Variants in MORC4 observed in about 807,000 individuals in gnomAD.
MORC4 encodes MORC family CW-type zinc finger protein 4.
A neutral mutation model predicts 65.5 loss-of-function variants in MORC4; 22 were observed. The observed-to-expected ratio is 0.34, with a 90% confidence interval of 0.24 to 0.48. MORC4 has a LOEUF of 0.48. Among genes scored for constraint, MORC4 ranks in the 20% least tolerant of loss-of-function variants. The probability of loss-of-function intolerance (pLI) is 0.99; values close to 1 mark genes in which losing one functional copy is unlikely to be tolerated. For synonymous variants in MORC4, 267 were observed against 255.8 expected (o/e 1.04, Z -0.42); for missense variants, 624 against 703.0 (o/e 0.89, Z 1.27).
intron 2 of MORC4, among the ~76,000 whole-genome samples, chrX:106,993,790 T>C (rs762549045): frequency 2.7e-5 from 3 of 112,501 alleles, no homozygotes; most frequent in Non-Finnish European, 3.8e-5. Flanking sequence ...AGATGATGCA[T>C]ATTACACACA....
chrX:106,959,568 C>G (rs1934187480), intron 10 of MORC4, among the ~76,000 whole-genome samples: 1 of 111,502 alleles, frequency 9.0e-6, no homozygotes, highest in Non-Finnish European at 1.9e-5. Flanking sequence ...GACAGGGTCT[C>G]ACTCTGTCTC....
chrX:106,965,375 A>G (rs1371435480), intron 9 of MORC4, among the ~76,000 whole-genome samples: 2 of 112,339 alleles, frequency 1.8e-5, no homozygotes, highest in Middle Eastern at 4.6e-3. Flanking sequence ...ATGTTTCACT[A>G]TAAAAAAAAT....
At chrX:106,960,221 T>C (rs1029282165) in intron 10 of MORC4, among the ~76,000 whole-genome samples, 4 of 111,688 alleles carry the variant, frequency 3.6e-5, no homozygotes, top group Non-Finnish European at 5.6e-5. Flanking sequence ...CATAGGAGAG[T>C]CTCTTGCAGA....
chrX:106,943,686 T>TA (rs1233822348), intron 14 of MORC4, among the ~76,000 whole-genome samples: 1 of 112,686 alleles, frequency 8.9e-6, no homozygotes, highest in Non-Finnish European at 1.9e-5. Flanking sequence ...CACATTTTTT[T>TA]ATATTGCAGC....
intron 3 of MORC4, among the ~76,000 whole-genome samples, chrX:106,991,485 A>G (rs1934982107): frequency 8.9e-6 from 1 of 112,533 alleles, no homozygotes; most frequent in Admixed American, 9.4e-5. Context: ...CTTCTACCTT[A>G]TAACTCTAAC....
intron 7 of MORC4, among the ~76,000 whole-genome samples, chrX:106,978,423 A>G (rs913803880): frequency 9.0e-6 from 1 of 111,384 alleles, no homozygotes; most frequent in African/African-American, 3.2e-5. Context: ...AGGGAGGCCC[A>G]CAAACGTTAA....
rs140476701 is a variant in MORC4, at chrX:106,997,241, G to A, written c.175+2436C>T. 5.7e-3 allele frequency among the ~76,000 whole-genome samples: 641 copies of A among 111,642 alleles called. 5 individuals are homozygous for A. Among genetic ancestry groups the A allele is most frequent in the African/African-American group, 0.02 (599 of 30,684 alleles). ...TCCTTTACCCTATGCATCCCTAGAC[G>A]TTCTCATATCCTATTTACTCTATTT... On this transcript the variant is annotated intron_variant, in intron 2 of 16. Transcript: ENST00000355610.
intron 5 of MORC4, among the ~76,000 whole-genome samples, chrX:106,984,355 T>C (rs1934816295): frequency 9.0e-6 from 1 of 110,580 alleles, no homozygotes; most frequent in Non-Finnish European, 1.9e-5. Flanking sequence ...TATGCTAAAC[T>C]GTCTTAATTA....
At chrX:106,976,738 C>T in intron 8 of MORC4, 54 bp from the exon 9 acceptor site, 1 of 898,912 alleles carries the variant, frequency 1.1e-6, no homozygotes, top group South Asian at 2.1e-5. Flanking sequence ...TGCCTGGAGG[C>T]ATTTCCTTTT....
intron 9 of MORC4, among the ~76,000 whole-genome samples, chrX:106,966,674 G>A (rs1934379836): frequency 8.8e-6 from 1 of 113,194 alleles, no homozygotes; most frequent in South Asian, 3.6e-4. Context: ...ACAGAGCCTT[G>A]CTCACTGCTA....
At position 106,999,736 on chromosome X, in the gene MORC4, T is replaced by C; in HGVS notation, c.116A>G (p.Tyr39Cys). 9.0e-7 allele frequency: 1 copy of C among 1,113,202 alleles called. No homozygotes were observed. The highest frequency in any genetic ancestry group is 1.2e-6 in the Non-Finnish European group (1 of 849,182). 91.7% of individuals were successfully genotyped at this position (1,113,202 alleles called of 1,213,427 possible). A position where few individuals can be genotyped will look rare whatever the true frequency, so the allele number is the denominator to read the frequency against. Residue 39 changes from tyrosine (Y) to cysteine (C), a missense_variant, in exon 2 of 17, where the codon TAC (tyrosine) becomes TGC (cysteine). Coordinates refer to ENST00000355610, the MANE Select transcript of MORC4 (RefSeq NM_024657.5). ...GIRLSTMSPR[Y>C]LQSNSSSHTR... ...GTGGCTGCTGGAGTTGCTCTGGAGG[T>C]AGCGGGGGCTCATCTGGGGGCGAGA...
intron 14 of MORC4, 76 bp from the exon 15 acceptor site, chrX:106,943,281 T>A (rs1933744156): frequency 1.3e-6 from 1 of 799,199 alleles, no homozygotes; most frequent in Admixed American, 2.8e-5. Context: ...GAGCCCCAAC[T>A]CAAACTTCCC....
intron 9 of MORC4, among the ~76,000 whole-genome samples, chrX:106,972,501 T>A (rs1934541161): frequency 9.0e-6 from 1 of 111,542 alleles, no homozygotes. Flanking sequence ...CTCACAGATC[T>A]CCATAGCCAT....
chrX:106,989,828 TTGCACTCCAGCCTGGGCAACAAGAG>T (rs1934943679), intron 3 of MORC4, among the ~76,000 whole-genome samples: 1 of 88,063 alleles, frequency 1.1e-5, no homozygotes, highest in Admixed American at 1.2e-4. Context: ...GATCACACCA[TTGCACTCCAGCCTGGGCAACAAGAG>T]TGAAACTCCA....
chrX:106,947,331 G>A (rs2147803500), intron 14 of MORC4, among the ~76,000 whole-genome samples: 1 of 108,438 alleles, frequency 9.2e-6, no homozygotes, highest in East Asian at 2.9e-4. Flanking sequence ...GTTGCTGGGT[G>A]AAGTTTTCTG....
At chrX:106,969,685 A>AGT (rs1934460651) in intron 9 of MORC4, among the ~76,000 whole-genome samples, 1 of 112,247 alleles carries the variant, frequency 8.9e-6, no homozygotes, top group Non-Finnish European at 1.9e-5. Flanking sequence ...ACCATCAGAG[A>AGT]ATACTATAAA....
intron 3 of MORC4, among the ~76,000 whole-genome samples, chrX:106,990,900 A>T (rs1934968624): frequency 9.0e-6 from 1 of 111,438 alleles, no homozygotes; most frequent in Non-Finnish European, 1.9e-5. Context: ...ATTAAAAAAA[A>T]AGGTATCTTC....
rs145773569 is a variant in MORC4, at chrX:106,972,343, C to A, written c.1157+4241G>T. On this transcript the variant is annotated intron_variant, in intron 9 of 16. Transcript: ENST00000355610. ...GGGTGGGAAGCTAGGGGAGGGATAA[C>A]ATTAGGAGAAATACCTAATGTAGGT... Among the ~76,000 whole-genome samples, 682 of 110,858 alleles carry A rather than the reference C, an allele frequency of 6.2e-3. 7 individuals carry two copies. The highest frequency in any genetic ancestry group is 0.021 in the African/African-American group (646 of 30,448).
chrX:106,948,508 C>T (rs1162754372), intron 14 of MORC4, among the ~76,000 whole-genome samples: 2 of 111,777 alleles, frequency 1.8e-5, no homozygotes, highest in Admixed American at 1.9e-4. Flanking sequence ...TAATTAACTA[C>T]ACAGTTACTT....
Sources: allele counts gnomAD v4.1 joint callset (sites outside exome capture counted in the v4.1 genomes callset), GRCh38; gene constraint gnomAD v4.1.1; transcripts MANE v1.5; gene names NCBI Gene and HGNC (gene_info 2026-07-23, HGNC 2026-07-21).